The following CDR2 variants were observed in gnomAD, a reference collection of about 807,000 sequenced individuals.
The protein encoded by CDR2 is cerebellar degeneration related protein 2.
A neutral mutation model predicts 48.4 loss-of-function variants in CDR2; 34 were observed. The observed-to-expected ratio is 0.70, with a 90% confidence interval of 0.53 to 0.94. CDR2 has a LOEUF of 0.94. CDR2 is among the 40% of genes least tolerant of loss of function. The pLI, the probability that CDR2 is intolerant of heterozygous loss-of-function variation, is 0.00. For missense variants in CDR2, 498 were observed against 549.5 expected, an observed-to-expected ratio of 0.91 and a Z score of 0.94; for synonymous variants, 240 against 219.7, an observed-to-expected ratio of 1.09 and a Z score of -0.82.
At chr16:22,362,888 A>G (rs1455169528) in intron 2 of CDR2, among the ~76,000 whole-genome samples, 2 of 151,714 alleles carry the variant, frequency 1.3e-5, no homozygotes, top group South Asian at 2.1e-4. Flanking sequence ...TGCCTAGCCT[A>G]GTTTAATAGT....
intron 1 of CDR2, among the ~76,000 whole-genome samples, chr16:22,371,286 C>T (rs1334892504): frequency 2.0e-5 from 3 of 151,974 alleles, no homozygotes; most frequent in Admixed American, 6.6e-5. Flanking sequence ...TGTTAAAAAA[C>T]GGACAGATGC....
At chr16:22,372,909 T>A (rs923034476) in intron 1 of CDR2, among the ~76,000 whole-genome samples, 1 of 152,228 alleles carries the variant, frequency 6.6e-6, no homozygotes, top group African/African-American at 2.4e-5. Context: ...ACAAGCAACA[T>A]GATCATTTAA....
chr16:22,346,954 T>C lies in CDR2; in HGVS notation c.*11A>G, dbSNP rs770188631. On this transcript the variant is annotated 3_prime_UTR_variant, in exon 5 of 5. Coordinates refer to ENST00000268383, the MANE Select transcript of CDR2 (RefSeq NM_001802.2). ...GCAATAGGCAAATTAGTAGTAGAGC[T>C]AGAGGTTCAATTAAGAATGAGAGGA... The C allele has an allele frequency of 1.9e-6, 3 of 1,603,000 alleles. No individual in the cohort carries two copies. Among genetic ancestry groups the C allele is most frequent in the South Asian group, 1.1e-5 (1 of 90,284 alleles).
chr16:22,363,944 TA>T (rs749870204), intron 2 of CDR2, among the ~76,000 whole-genome samples: 77 of 152,078 alleles, frequency 5.1e-4, no homozygotes, highest in Non-Finnish European at 1.9e-4. Context: ...ATATTATTAT[TA>T]TTTTTTTATT....
At chr16:22,351,101 G>T (rs2048938705) in intron 2 of CDR2, among the ~76,000 whole-genome samples, 1 of 152,182 alleles carries the variant, frequency 6.6e-6, no homozygotes, top group African/African-American at 2.4e-5. Flanking sequence ...CTATGAGTGA[G>T]AACATGCAGT....
At position 22,358,521 on chromosome 16, in the gene CDR2, A is replaced by G. The variant is rs373828084; in HGVS notation, c.192+6381T>C. ...GGCCAGCAGAATTACATAAATACCT[A>G]TTTGCAATTGTGGAATCCTAACCTG... On this transcript the variant is annotated intron_variant, in intron 2 of 4. Transcript: ENST00000268383. Among the ~76,000 whole-genome samples, 119 of 151,794 alleles carry G rather than the reference A, an allele frequency of 7.8e-4. 3 individuals carry two copies. The South Asian group carries it at 0.023, about 29-fold the overall frequency.
chr16:22,349,490 A>G, intron 3 of CDR2, 47 bp from the exon 4 acceptor site: 5 of 1,608,054 alleles, frequency 3.1e-6, no homozygotes, highest in Non-Finnish European at 3.4e-6. Context: ...TATTGAATCA[A>G]GGGCAAAAGC....
Position 22,349,712 on chromosome 16 carries a change from T to C in CDR2, c.330A>G (p.Gln110=), listed in dbSNP as rs754281917. 2.5e-6 allele frequency: 4 copies of C among 1,614,152 alleles called. No individual in the cohort carries two copies. The highest frequency in any genetic ancestry group is 3.4e-6 in the Non-Finnish European group (4 of 1,180,002). Reference sequence around the variant, plus strand: ...TCTAGAAAATTTACCTCAGAATCTTTTGCTGTGAGGCCTTGCTGTCAGCAA... The same window carrying C: ...TCTAGAAAATTTACCTCAGAATCTTCTGCTGTGAGGCCTTGCTGTCAGCAA... ...KLVADSKASQ[Q]KILSLTETIE... Residue 110 remains glutamine, a synonymous_variant, in exon 3 of 5, where the codon CAA becomes CAG. Coordinates refer to ENST00000268383, the MANE Select transcript of CDR2 (RefSeq NM_001802.2).
intron 2 of CDR2, among the ~76,000 whole-genome samples, chr16:22,354,432 A>T (rs923633461): frequency 7.9e-5 from 12 of 152,212 alleles, no homozygotes; most frequent in African/African-American, 2.4e-4. Context: ...AGCAGCATTC[A>T]TCATCATAAC....
rs2049103912 is a variant in CDR2, at chr16:22,374,411, T to C, written c.-102A>G. 6 of 608,928 alleles carry C rather than the reference T, an allele frequency of 9.9e-6. No homozygotes were observed. Among genetic ancestry groups the C allele is most frequent in the African/African-American group, 5.9e-5 (3 of 50,986 alleles). The allele number at this position is 608,928 out of a possible 1,614,324, so 37.7% of individuals were successfully genotyped here. ...CCTCCGCCCTCAGCCAGAGCCGCCC[T>C]CGGGCGGGACGCGCCGCCGCCCAGA... On this transcript the variant is annotated 5_prime_UTR_variant, in exon 1 of 5. Transcript: ENST00000268383.
At chr16:22,356,940 C>CAA (rs1047380020) in intron 2 of CDR2, among the ~76,000 whole-genome samples, 34 of 28,726 alleles carry the variant, frequency 1.2e-3, no homozygotes, top group East Asian at 7.0e-3. Context: ...GACTCCATCT[C>CAA]AAAAAAAAAA....
chr16:22,356,372 C>T (rs1240060375), intron 2 of CDR2, among the ~76,000 whole-genome samples: 1 of 152,200 alleles, frequency 6.6e-6, no homozygotes, highest in African/African-American at 2.4e-5. Context: ...AATCCCAGCA[C>T]TCTGGGAGGC....
Position 22,345,979 on chromosome 16 carries a change from T to A in CDR2, c.*986A>T, listed in dbSNP as rs951016401. 2.6e-5 allele frequency: 4 copies of A among 152,674 alleles called. No homozygotes were observed. Among genetic ancestry groups the A allele is most frequent in the African/African-American group, 7.2e-5 (3 of 41,462 alleles). 9.5% of individuals were successfully genotyped at this position (152,674 alleles called of 1,614,324 possible). A position where few individuals can be genotyped will look rare whatever the true frequency, so the allele number is the denominator to read the frequency against. The stretch of plus-strand genomic sequence containing the variant: ...TTTATTTGGTTTTTAGAAAAATATA[T>A]ACAATAATCGGAACATCAGTTCTTA... On this transcript the variant is annotated 3_prime_UTR_variant, in exon 5 of 5. Transcript: ENST00000268383.
intron 2 of CDR2, among the ~76,000 whole-genome samples, chr16:22,355,855 T>C (rs2048971361): frequency 6.6e-6 from 1 of 152,202 alleles, no homozygotes; most frequent in African/African-American, 2.4e-5. Context: ...ACCCTCATTC[T>C]CTAAGAATGA....
At chr16:22,368,944 A>G (rs1444906635) in intron 1 of CDR2, 4 of 152,244 alleles carry the variant, frequency 2.6e-5, no homozygotes, top group Non-Finnish European at 5.9e-5. Flanking sequence ...GTATGGCTCA[A>G]CATGTTCCAG....
intron 2 of CDR2, among the ~76,000 whole-genome samples, chr16:22,352,980 T>C (rs2048952432): frequency 6.6e-6 from 1 of 152,184 alleles, no homozygotes; most frequent in African/African-American, 2.4e-5. Flanking sequence ...GATGGGAACA[T>C]GTTCAATCTC....
intron 1 of CDR2, among the ~76,000 whole-genome samples, chr16:22,365,613 A>G (rs1408948957): frequency 6.6e-6 from 1 of 152,196 alleles, no homozygotes; most frequent in Non-Finnish European, 1.5e-5. Context: ...TTTTTGAGGT[A>G]ATTACATGTC....
In CDR2 at chr16:22,371,793, C is replaced by T. The variant is rs376947023; in HGVS notation, c.79+2438G>A. Among the ~76,000 whole-genome samples, 121 of 151,832 alleles carry T rather than the reference C, an allele frequency of 8.0e-4. 3 individuals carry two copies. In the South Asian group the frequency reaches 0.022, roughly 28 times the overall value. On this transcript the variant is annotated intron_variant, in intron 1 of 4. Coordinates refer to ENST00000268383, the MANE Select transcript of CDR2 (RefSeq NM_001802.2). The stretch of plus-strand genomic sequence containing the variant: ...GTTAAGTCAAAGTCCACTGTGATAA[C>T]GTAACAGCCCTTTGAAAAACACAGA...
In CDR2 at chr16:22,347,042, A is replaced by C; in HGVS notation, c.1288T>G (p.Phe430Val). Residue 430 changes from phenylalanine to valine, a missense_variant, in exon 5 of 5, where the codon TTT becomes GTT. Coordinates refer to ENST00000268383, the MANE Select transcript of CDR2 (RefSeq NM_001802.2). ...TGCTTAGTTTTCTTGATGCAACTAA[A>C]GATCTCCTTAAACAACGCTTTGTAT... Reference protein sequence around the residue: ...PEYKALFKEIFSCIKKTKQEI... With the variant: ...PEYKALFKEIVSCIKKTKQEI... The C allele has an allele frequency of 6.2e-7, 1 of 1,614,218 alleles. No homozygotes were observed. Among genetic ancestry groups the C allele is most frequent in the Non-Finnish European group, 8.5e-7 (1 of 1,180,000 alleles).
Sources: allele counts gnomAD v4.1 joint callset (sites outside exome capture counted in the v4.1 genomes callset), GRCh38; gene constraint gnomAD v4.1.1; transcripts MANE v1.5; gene names NCBI Gene and HGNC (gene_info 2026-07-23, HGNC 2026-07-21).